The following COL27A1 variants were observed in gnomAD, a reference collection of about 807,000 sequenced individuals.
The protein encoded by COL27A1 is collagen alpha-1(XXVII) chain.
COL27A1 carries 106 observed loss-of-function variants against 251.3 expected under a neutral mutation model. That is an observed-to-expected ratio of 0.42 (90% CI 0.36 to 0.50). The LOEUF is 0.50. Ranked by LOEUF, COL27A1 falls within the 20% of genes least tolerant of loss-of-function variation. The pLI is 0.00. For synonymous variants in COL27A1, 1,000 were observed against 986.3 expected (o/e 1.01, Z -0.26); for missense variants, 2,325 against 2,522.8 (o/e 0.92, Z 1.68).
At chr9:114,206,341 A>AG in intron 10 of COL27A1, 45 bp downstream of exon 10, 1 of 1,599,778 alleles carries the variant, frequency 6.3e-7, no homozygotes, top group Non-Finnish European at 8.6e-7. Context: ...GTTCTAGGTG[A>AG]GCATCACCTG....
intron 5 of COL27A1, among the ~76,000 whole-genome samples, 159 bp from the exon 6 acceptor site, chr9:114,194,245 G>A (rs973873877): frequency 7.2e-5 from 11 of 152,230 alleles, no homozygotes; most frequent in African/African-American, 2.4e-4. Context: ...TAGAGCAGGG[G>A]AGTAGTAGAA....
intron 12 of COL27A1, 127 bp from the exon 13 acceptor site, chr9:114,219,664 G>GC: frequency 1.4e-6 from 1 of 701,738 alleles, no homozygotes; most frequent in Non-Finnish European, 2.6e-6. Flanking sequence ...CGCACTGTCT[G>GC]CCCATGACCA....
At chr9:114,225,163 C>T (rs952675074) in intron 14 of COL27A1, among the ~76,000 whole-genome samples, 2 of 152,134 alleles carry the variant, frequency 1.3e-5, no homozygotes, top group Admixed American at 1.3e-4. Flanking sequence ...TAGGAGAAAC[C>T]CTTTCGGCAA....
intron 42 of COL27A1, 28 bp downstream of exon 42, chr9:114,288,539 G>C: frequency 6.3e-7 from 1 of 1,591,282 alleles, no homozygotes; most frequent in Non-Finnish European, 8.5e-7. Flanking sequence ...CCTGGACCAT[G>C]TGGCGTCCTA....
At chr9:114,183,211 C>G in intron 5 of COL27A1, 136 bp downstream of exon 5, 1 of 794,768 alleles carries the variant, frequency 1.3e-6, no homozygotes, top group Non-Finnish European at 2.1e-6. Context: ...GGGGCACCCT[C>G]TGGGCCCCTT....
intron 12 of COL27A1, among the ~76,000 whole-genome samples, chr9:114,213,867 T>A (rs1340665876): frequency 6.6e-6 from 1 of 152,198 alleles, no homozygotes; most frequent in Non-Finnish European, 1.5e-5. Flanking sequence ...TGCCTTTAAC[T>A]TTCTAAGACT....
chr9:114,268,227 C>A (rs1298695146), intron 34 of COL27A1, among the ~76,000 whole-genome samples: 1 of 152,062 alleles, frequency 6.6e-6, no homozygotes, highest in African/African-American at 2.4e-5. Flanking sequence ...GCTCAGAGCT[C>A]TGCCCTCCTC....
chr9:114,171,694 G>A (rs1275819738), intron 3 of COL27A1, among the ~76,000 whole-genome samples: 1 of 151,668 alleles, frequency 6.6e-6, no homozygotes, highest in East Asian at 1.9e-4. Context: ...TTAAACTCCT[G>A]GCCTCAAGTG....
intron 7 of COL27A1, among the ~76,000 whole-genome samples, chr9:114,200,789 T>C (rs1829511899): frequency 6.6e-6 from 1 of 152,234 alleles, no homozygotes; most frequent in South Asian, 2.1e-4. Flanking sequence ...CTTTCTGTCC[T>C]GCTGATGGCC....
intron 2 of COL27A1, among the ~76,000 whole-genome samples, chr9:114,164,483 C>T (rs923012305): frequency 5.3e-5 from 8 of 152,164 alleles, no homozygotes; most frequent in African/African-American, 1.9e-4. Context: ...CTTAGAAACC[C>T]ACCCAGTGGA....
intron 50 of COL27A1, 29 bp from the exon 51 acceptor site, chr9:114,300,596 A>G: frequency 2.0e-6 from 3 of 1,529,350 alleles, no homozygotes; most frequent in Non-Finnish European, 2.6e-6. Flanking sequence ...GCTGCCAAGT[A>G]CAGACAGCCC....
rs139143802 is a variant in COL27A1 at position 114,250,657 on chromosome 9, G to C, written c.3022G>C (p.Val1008Leu). ...TGGTCTGGTCGGGGAGCCAGGAATC[G>C]TGGGAGAAAAGGTAAGTGGTGTTGA... Reference protein sequence around the residue: ...FIGLVGEPGIVGEKGDRGMMG... With the variant: ...FIGLVGEPGILGEKGDRGMMG... Residue 1008 changes from valine to leucine, a missense_variant, in exon 25 of 61, where the codon GTG (valine) becomes CTG (leucine). Physicochemically the swap from Val to Leu is conservative, Grantham distance 32 (BLOSUM62 1). Coordinates refer to ENST00000356083, the MANE Select transcript of COL27A1 (RefSeq NM_032888.4). 6 of 1,611,744 alleles carry C rather than the reference G, an allele frequency of 3.7e-6. No individual in the cohort carries two copies. The highest frequency in any genetic ancestry group is 5.1e-6 in the Non-Finnish European group (6 of 1,178,062).
At chr9:114,178,696 C>T (rs1827663944) in intron 4 of COL27A1, among the ~76,000 whole-genome samples, 1 of 152,098 alleles carries the variant, frequency 6.6e-6, no homozygotes, top group African/African-American at 2.4e-5. Context: ...CCTTGCATCC[C>T]TCTTCCTGTT....
At position 114,264,374 on chromosome 9, in the gene COL27A1, G is replaced by A; in HGVS notation, c.3215G>A (p.Gly1072Glu). 6.3e-7 allele frequency: 1 copy of A among 1,598,062 alleles called. No homozygotes were observed. Among genetic ancestry groups the A allele is most frequent in the Non-Finnish European group, 8.5e-7 (1 of 1,171,734 alleles). Residue 1072 changes from glycine (G) to glutamate (E), a missense_variant, in exon 29 of 61, where the codon GGA becomes GAA. Physicochemically the swap from Gly to Glu is moderately conservative, Grantham distance 98 (BLOSUM62 -2). Transcript: ENST00000356083. ...TTCCAGGGCCCCCGAGGACCGGACG[G>A]ACCAGCTGGGGAGCAAGGGTCCAGG... is the stretch of plus-strand genomic sequence containing the variant. ...KGRRGPRGPD[G>E]PAGEQGSRGL...
intron 5 of COL27A1, among the ~76,000 whole-genome samples, chr9:114,183,657 G>T (rs1362492002): frequency 1.3e-5 from 2 of 152,104 alleles, no homozygotes; most frequent in African/African-American, 4.8e-5. Context: ...TAGCCTTGGG[G>T]ACTGAACTGG....
intron 37 of COL27A1, among the ~76,000 whole-genome samples, chr9:114,276,561 C>T (rs974292303): frequency 1.1e-4 from 16 of 152,168 alleles, no homozygotes; most frequent in Admixed American, 2.0e-4. Flanking sequence ...GCTGAGATTG[C>T]GCCACTGCAC....
Position 114,155,905 on chromosome 9 carries a change from C to A in COL27A1, c.-46C>A. The A allele has an allele frequency of 8.4e-7, 1 of 1,192,774 alleles. No individual in the cohort carries two copies. The highest frequency in any genetic ancestry group is 1.0e-6 in the Non-Finnish European group (1 of 960,286). 73.9% of individuals were successfully genotyped at this position (1,192,774 alleles called of 1,614,324 possible). The stretch of plus-strand genomic sequence containing the variant: ...GGGGCTGGCGGCCCCATGGGGCGCG[C>A]CCACACTTGCCCCCCGGGCTCGGGA... On this transcript the variant is annotated 5_prime_UTR_variant, in exon 1 of 61. Transcript: ENST00000356083. This position sits in a 1 kb window ranked among gnomAD's most constrained non-coding sequence, Gnocchi z 5.5.
Position 114,290,944 on chromosome 9 carries a change from C to T in COL27A1, c.4476+27C>T. On this transcript the variant is annotated intron_variant, in intron 48 of 60. Transcript: ENST00000356083. This position sits in a 1 kb window ranked among gnomAD's most constrained non-coding sequence, Gnocchi z 4.6. ...TCAGATACCTCTTAATACACTTACCCACCCTCTGCCCTTTCTGCCTTGATG... is the reference window on the plus strand; with the variant it reads ...TCAGATACCTCTTAATACACTTACCTACCCTCTGCCCTTTCTGCCTTGATG... 2 of 1,494,962 alleles carry T rather than the reference C, an allele frequency of 1.3e-6. No homozygotes were observed. Among genetic ancestry groups the T allele is most frequent in the Non-Finnish European group, 9.1e-7 (1 of 1,098,638 alleles). The allele number at this position is 1,494,962 out of a possible 1,614,324, so 92.6% of individuals were successfully genotyped here.
chr9:114,280,795 G>A (rs1835853426), intron 37 of COL27A1, among the ~76,000 whole-genome samples: 1 of 152,224 alleles, frequency 6.6e-6, no homozygotes, highest in South Asian at 2.1e-4. Context: ...CTTTGGGATA[G>A]CGTCATCTTT....
Sources: gnomAD v4.1 joint callset for allele counts (sites outside exome capture counted in the v4.1 genomes callset) on GRCh38, gnomAD v4.1.1 for gene constraint, Gnocchi (gnomAD v3.1) non-coding constraint, MANE v1.5 for transcripts, NCBI Gene and HGNC (gene_info 2026-07-23, HGNC 2026-07-21) for gene names.